Variants in IRAG1 observed in about 807,000 individuals in gnomAD.
IRAG1 encodes inositol 1,4,5-triphosphate receptor associated 1, also known as IP3R-associated cGMP kinase substrate.
IRAG1 carries 62 observed loss-of-function variants against 106.2 expected under a neutral mutation model. The observed-to-expected ratio is 0.58, with a 90% CI of 0.48 to 0.72. The LOEUF is 0.72. Ranked by LOEUF, IRAG1 falls within the 30% of genes least tolerant of loss-of-function variation. The pLI is 0.00. For synonymous variants in IRAG1, 462 were observed against 443.9 expected (o/e 1.04, Z -0.51); for missense variants, 1,064 against 1,140.7 (o/e 0.93, Z 0.97).
At chr11:10,618,085 C>G (rs766358192) in intron 10 of IRAG1, among the ~76,000 whole-genome samples, 11 of 152,216 alleles carry the variant, frequency 7.2e-5, no homozygotes, top group Non-Finnish European at 1.2e-4. Context: ...ACTGTTCCCA[C>G]CTTGTTGCCC....
At chr11:10,619,285 C>T (rs951286378) in intron 10 of IRAG1, among the ~76,000 whole-genome samples, 5 of 152,176 alleles carry the variant, frequency 3.3e-5, no homozygotes, top group Non-Finnish European at 7.3e-5. Context: ...ATTCTTCAGA[C>T]TCCAGAATGT....
intron 1 of IRAG1, among the ~76,000 whole-genome samples, chr11:10,680,404 G>GGAAGGAAGGAAGGAAAGGAAA (rs71034778): frequency 4.9e-5 from 4 of 82,090 alleles, no homozygotes; most frequent in Admixed American, 1.5e-4. Context: ...AAGGAAGGAA[G>GGAAGGAAGGAAGGAAAGGAAA]GAAAGAAAGG....
chr11:10,624,922 C>T (rs1211141950), intron 9 of IRAG1, among the ~76,000 whole-genome samples: 3 of 152,294 alleles, frequency 2.0e-5, no homozygotes, highest in South Asian at 2.1e-4. Context: ...CTCCAACTTC[C>T]GCTAGAGATC....
chr11:10,656,755 G>A (rs1858957272), intron 1 of IRAG1, among the ~76,000 whole-genome samples: 1 of 152,132 alleles, frequency 6.6e-6, no homozygotes, highest in African/African-American at 2.4e-5. Context: ...GTAAGTAGCT[G>A]GTGAAGGGCT....
chr11:10,623,911 G>T (rs1856025835), intron 9 of IRAG1, 55 bp from the exon 10 acceptor site: 3 of 1,515,702 alleles, frequency 2.0e-6, no homozygotes, highest in Non-Finnish European at 2.7e-6. Context: ...GGGCTGGGCT[G>T]TTCTCTTGGC....
At chr11:10,650,436 G>C (rs1457574905) in intron 2 of IRAG1, among the ~76,000 whole-genome samples, 1 of 152,128 alleles carries the variant, frequency 6.6e-6, no homozygotes, top group African/African-American at 2.4e-5. Flanking sequence ...GCTGTTTGGG[G>C]GAGTTGCCCA....
chr11:10,641,639 C>T (rs1208587873), intron 2 of IRAG1, among the ~76,000 whole-genome samples: 9 of 152,150 alleles, frequency 5.9e-5, no homozygotes, highest in Non-Finnish European at 1.2e-4. Context: ...TGTTTTCTCA[C>T]CGAATCCTCC....
At chr11:10,614,357 CAA>C (rs571960945) in intron 10 of IRAG1, among the ~76,000 whole-genome samples, 1 of 151,998 alleles carries the variant, frequency 6.6e-6, no homozygotes, top group Non-Finnish European at 1.5e-5. Context: ...ACCTATAATG[CAA>C]AAAAACTACC....
At chr11:10,598,523 C>G (rs1185687265) in intron 15 of IRAG1, among the ~76,000 whole-genome samples, 1 of 152,078 alleles carries the variant, frequency 6.6e-6, no homozygotes, top group Non-Finnish European at 1.5e-5. Context: ...AGCAGAAATA[C>G]AAATGTTCCA....
At chr11:10,674,388 T>C (rs1427230081) in intron 1 of IRAG1, among the ~76,000 whole-genome samples, 13 of 152,190 alleles carry the variant, frequency 8.5e-5, no homozygotes, top group Non-Finnish European at 1.8e-4. Context: ...TTTACAAGTA[T>C]GGGCACAAAT....
At chr11:10,684,796 T>C (rs1293979618) in intron 1 of IRAG1, among the ~76,000 whole-genome samples, 3 of 152,124 alleles carry the variant, frequency 2.0e-5, no homozygotes, top group Non-Finnish European at 4.4e-5. Flanking sequence ...TTAGCCAACA[T>C]AGCCTTCTGA....
At chr11:10,643,738 A>ATCCC (rs550657062) in intron 2 of IRAG1, among the ~76,000 whole-genome samples, 2 of 151,688 alleles carry the variant, frequency 1.3e-5, no homozygotes, top group East Asian at 3.9e-4. Context: ...CCATCCATCC[A>ATCCC]TCCCTCCCTC....
chr11:10,602,317 TAAC>T (rs1209184587), intron 14 of IRAG1, among the ~76,000 whole-genome samples: 2 of 152,230 alleles, frequency 1.3e-5, no homozygotes, highest in Admixed American at 6.5e-5. Flanking sequence ...AGCAACATAA[TAAC>T]AACATCCAAA....
intron 1 of IRAG1, among the ~76,000 whole-genome samples, chr11:10,672,737 G>A (rs905188119): frequency 2.0e-5 from 3 of 152,288 alleles, no homozygotes; most frequent in Admixed American, 1.3e-4. Flanking sequence ...GTAAAATGGC[G>A]TAACCGCTTT....
chr11:10,686,794 C>T (rs1289092181), intron 1 of IRAG1, among the ~76,000 whole-genome samples: 1 of 152,192 alleles, frequency 6.6e-6, no homozygotes, highest in Non-Finnish European at 1.5e-5. Context: ...ACAAATACCT[C>T]CCTTGCATGG....
chr11:10,676,255 G>A (rs116097630), intron 1 of IRAG1, among the ~76,000 whole-genome samples: 67 of 152,316 alleles, frequency 4.4e-4, no homozygotes, highest in African/African-American at 1.5e-3. Flanking sequence ...CTCCCTGTGC[G>A]GTGGGAGCTA....
intron 15 of IRAG1, among the ~76,000 whole-genome samples, chr11:10,595,502 A>C (rs1002663286): frequency 1.3e-5 from 2 of 152,154 alleles, no homozygotes; most frequent in African/African-American, 4.8e-5. Flanking sequence ...CTTTTCTTGA[A>C]TAAATCTTAA....
chr11:10,649,088 C>T (rs1410436232), intron 2 of IRAG1, among the ~76,000 whole-genome samples: 9 of 152,206 alleles, frequency 5.9e-5, no homozygotes, highest in African/African-American at 1.4e-4. Flanking sequence ...TGCCTGGCCT[C>T]GGATGCTCCC....
chr11:10,657,536 C>A lies in IRAG1; in HGVS notation c.68-5354G>T, dbSNP rs760189131. On this transcript the variant is annotated intron_variant, in intron 1 of 20. Transcript: ENST00000423302. This position sits in a 1 kb window ranked among gnomAD's most constrained non-coding sequence, Gnocchi z 4.1. ...GAATCTTTGAGCATTGAGGGAAGAGCCAAGAAGCCCTTTCGGGAAACCATG... is the reference window on the plus strand; with the variant it reads ...GAATCTTTGAGCATTGAGGGAAGAGACAAGAAGCCCTTTCGGGAAACCATG... Among the ~76,000 whole-genome samples, 1 of 152,208 alleles carries A rather than the reference C, an allele frequency of 6.6e-6. No individual in the cohort carries two copies. Among genetic ancestry groups the A allele is most frequent in the Non-Finnish European group, 1.5e-5 (1 of 68,036 alleles).
Sources: gnomAD v4.1 joint callset for allele counts (sites outside exome capture counted in the v4.1 genomes callset) on GRCh38, gnomAD v4.1.1 for gene constraint, Gnocchi (gnomAD v3.1) non-coding constraint, MANE v1.5 for transcripts, NCBI Gene and HGNC (gene_info 2026-07-23, HGNC 2026-07-21) for gene names.